PHACTR2: variants seen among roughly 807,000 people sequenced by gnomAD.
The protein encoded by PHACTR2 is chromosome 6 open reading frame 56.
PHACTR2 carries 30 observed loss-of-function variants against 76.0 expected under a neutral mutation model. That is an observed-to-expected ratio of 0.39 (90% CI 0.30 to 0.54). The LOEUF (loss-of-function observed/expected upper bound fraction) is 0.54. Ranked by LOEUF, PHACTR2 falls within the 20% of genes least tolerant of loss-of-function variation. The pLI, the probability that PHACTR2 is intolerant of heterozygous loss-of-function variation, is 0.61. For missense variants in PHACTR2, 696 were observed against 781.1 expected (o/e 0.89, Z 1.30); for synonymous variants, 292 against 292.5 (o/e 1.00, Z 0.02).
At chr6:143,817,817 A>G (rs998126497) in intron 12 of PHACTR2, among the ~76,000 whole-genome samples, 2 of 152,238 alleles carry the variant, frequency 1.3e-5, no homozygotes, top group Non-Finnish European at 2.9e-5. Flanking sequence ...TCATTGAAGT[A>G]GAGAGTAGAC....
chr6:143,640,876 A>G (rs1358954325), intron 1 of PHACTR2, among the ~76,000 whole-genome samples: 1 of 152,208 alleles, frequency 6.6e-6, no homozygotes, highest in Non-Finnish European at 1.5e-5. Flanking sequence ...TGGATGACCC[A>G]GGTGGGCCCT....
At chr6:143,763,065 A>G (rs564749014) in intron 5 of PHACTR2, among the ~76,000 whole-genome samples, 13 of 152,298 alleles carry the variant, frequency 8.5e-5, no homozygotes, top group Admixed American at 8.5e-4. Flanking sequence ...TTAATGATGA[A>G]AGAATTTTAT....
chr6:143,573,556 C>T (rs193258844), intron 1 of PHACTR2, among the ~76,000 whole-genome samples: 1 of 140,624 alleles, frequency 7.1e-6, no homozygotes, highest in South Asian at 2.3e-4. Context: ...TTTTGTGAAC[C>T]CATGAATTTT....
At chr6:143,813,725 T>C (rs1776234055) in intron 12 of PHACTR2, among the ~76,000 whole-genome samples, 1 of 152,150 alleles carries the variant, frequency 6.6e-6, no homozygotes, top group African/African-American at 2.4e-5. Context: ...AGTAATCTTT[T>C]TTTCTTTTAT....
At position 143,627,606 on chromosome 6, in the gene PHACTR2, C is replaced by CTTTTTT. The variant is rs71024861; in HGVS notation, c.13+19292_13+19297dup. Among the ~76,000 whole-genome samples the CTTTTTT allele has an allele frequency of 6.9e-6, 1 of 144,842 alleles. No homozygotes were observed. On this transcript the variant is annotated intron_variant, in intron 1 of 11. Transcript: ENST00000305766. This position sits in a 1 kb window ranked among gnomAD's most constrained non-coding sequence, Gnocchi z 4.3. ...CACAATGTTGTACAACCACCACTTC[C>CTTTTTT]TTTTTTTTTTTTTGAGAAGAAGTCT... is the stretch of plus-strand genomic sequence containing the variant.
intron 1 of PHACTR2, among the ~76,000 whole-genome samples, chr6:143,668,824 C>A (rs1300622691): frequency 1.3e-5 from 2 of 152,190 alleles, no homozygotes; most frequent in East Asian, 1.9e-4. Flanking sequence ...AAAACCAGCT[C>A]CTGGATTCAT....
At chr6:143,573,787 G>A (rs763412207) in intron 1 of PHACTR2, among the ~76,000 whole-genome samples, 18 of 152,088 alleles carry the variant, frequency 1.2e-4, no homozygotes, top group Non-Finnish European at 2.1e-4. Context: ...TCTTATATTT[G>A]TATGGAGCTT....
chr6:143,645,746 A>G (rs1776649192), intron 1 of PHACTR2, among the ~76,000 whole-genome samples: 2 of 152,222 alleles, frequency 1.3e-5, no homozygotes, highest in African/African-American at 4.8e-5. Context: ...TTAGTAAGTC[A>G]TGTTGACATT....
At chr6:143,718,345 AGGAGAC>A (rs1778348711) in intron 2 of PHACTR2, among the ~76,000 whole-genome samples, 1 of 152,240 alleles carries the variant, frequency 6.6e-6, no homozygotes, top group Non-Finnish European at 1.5e-5. Context: ...TCTACTGATG[AGGAGAC>A]TGGGGCTAGA....
rs1776288313 is a variant in PHACTR2 at position 143,816,041 on chromosome 6, A to G, written c.1923-7633A>G. On this transcript the variant is annotated intron_variant, in intron 12 of 12. Coordinates refer to ENST00000440869, the MANE Select transcript of PHACTR2 (RefSeq NM_001100164.2). This position sits in a 1 kb window ranked among gnomAD's most constrained non-coding sequence, Gnocchi z 4.5. ...CCCCCATTCCCTCCCTCTCAACAGTATGAAAATAAGAAAAAATGTATTGCA... is the reference window on the plus strand; with the variant it reads ...CCCCCATTCCCTCCCTCTCAACAGTGTGAAAATAAGAAAAAATGTATTGCA... 1.3e-5 allele frequency among the ~76,000 whole-genome samples: 2 copies of G among 152,298 alleles called. 1 individual carries two copies. The highest frequency in any genetic ancestry group is 4.2e-4 in the South Asian group (2 of 4,814).
chr6:143,594,204 C>T (rs1775723753), intron 1 of PHACTR2, among the ~76,000 whole-genome samples: 1 of 152,186 alleles, frequency 6.6e-6, no homozygotes, highest in South Asian at 2.1e-4. Context: ...GTATATGAAA[C>T]ATAAATGAAT....
At position 143,739,096 on chromosome 6, in the gene PHACTR2, C is replaced by G. The variant is rs771491611; in HGVS notation, c.215-9889C>G. 6.6e-6 allele frequency among the ~76,000 whole-genome samples: 1 copy of G among 152,134 alleles called. No homozygotes were observed. The highest frequency in any genetic ancestry group is 2.4e-5 in the African/African-American group (1 of 41,446). ...TTTATTTATTTTTGAGACGGAGTCT[C>G]TCTCTGTCCCGAGGCTGGAGTGCAG... On this transcript the variant is annotated intron_variant, in intron 2 of 12. Transcript: ENST00000440869. This position sits in a 1 kb window ranked among gnomAD's most constrained non-coding sequence, Gnocchi z 4.3.
Position 143,753,843 on chromosome 6 carries a change from T to C in PHACTR2, c.385T>C (p.Ser129Pro), listed in dbSNP as rs779952067. ...ESTREENVVK[S>P]EEGNGSVSEK... ...TACCCGAGAGGAAAATGTAGTAAAGTCTGAAGAAGGTAATGGCTCTGTATC... is the reference window on the plus strand; with the variant it reads ...TACCCGAGAGGAAAATGTAGTAAAGCCTGAAGAAGGTAATGGCTCTGTATC... Residue 129 changes from serine to proline, a missense_variant, in exon 4 of 13, where the codon TCT becomes CCT. Physicochemically the swap from Ser to Pro is moderately conservative, Grantham distance 74. Around this residue, in one of 2 missense-constraint regions of PHACTR2, gnomAD observed 460 missense variants for 450.9 expected, o/e 1.02. Transcript: ENST00000440869. The surrounding 1 kb of genome is among the most constrained non-coding windows in gnomAD (Gnocchi z 4.6). The C allele has an allele frequency of 2.5e-6, 4 of 1,613,098 alleles. No individual in the cohort carries two copies. The African/African-American group carries it at 5.3e-5, about 22-fold the overall frequency.
chr6:143,736,041 T>G (rs1778811092), intron 2 of PHACTR2, among the ~76,000 whole-genome samples: 1 of 152,212 alleles, frequency 6.6e-6, no homozygotes, highest in African/African-American at 2.4e-5. Context: ...TATTAATAAA[T>G]TTTTATAGAC....
At position 143,783,241 on chromosome 6, in the gene PHACTR2, A is replaced by G. The variant is rs1176704983; in HGVS notation, c.1668A>G (p.Gln556=). 1.2e-6 allele frequency: 2 copies of G among 1,609,190 alleles called. No individual in the cohort carries two copies. Among genetic ancestry groups the G allele is most frequent in the East Asian group, 4.5e-5 (2 of 44,826 alleles). The part of the protein sequence containing the change: ...ILKQKNEEEE[Q]EAKMELKRRL... ...CAGAAAAGAATGAAGAAGAGGAACAAGAAGCAAAAATGGAACTTAAACGCA... is the reference window on the plus strand; with the variant it reads ...CAGAAAAGAATGAAGAAGAGGAACAGGAAGCAAAAATGGAACTTAAACGCA... The change falls in exon 10 of 13, where the codon CAA becomes CAG. Residue 556 remains glutamine, a synonymous_variant. Coordinates refer to ENST00000440869, the MANE Select transcript of PHACTR2 (RefSeq NM_001100164.2). This position sits in a 1 kb window ranked among gnomAD's most constrained non-coding sequence, Gnocchi z 5.2.
intron 1 of PHACTR2, among the ~76,000 whole-genome samples, chr6:143,593,873 T>C (rs1775720666): frequency 6.6e-6 from 1 of 152,212 alleles, no homozygotes; most frequent in Non-Finnish European, 1.5e-5. Flanking sequence ...ATAGCAACCA[T>C]TTCTCCATGC....
At position 143,670,993 on chromosome 6, in the gene PHACTR2, G is replaced by A. The variant is rs532883025; in HGVS notation, c.14-41023G>A. On this transcript the variant is annotated intron_variant, in intron 1 of 11. Transcript: ENST00000305766. ...GGCTGGAGTACAGTGGCACGATCTCGACTCACTGCAACCTCCACCTCCCAG... is the reference window on the plus strand; with the variant it reads ...GGCTGGAGTACAGTGGCACGATCTCAACTCACTGCAACCTCCACCTCCCAG... Among the ~76,000 whole-genome samples the A allele has an allele frequency of 1.1e-4, 16 of 151,280 alleles. No homozygotes were observed. The East Asian group carries it at 1.9e-3, about 18-fold the overall frequency.
intron 1 of PHACTR2, among the ~76,000 whole-genome samples, chr6:143,542,531 G>A (rs1298534092): frequency 6.6e-6 from 1 of 152,126 alleles, no homozygotes; most frequent in East Asian, 1.9e-4. Flanking sequence ...AGGCTGGCAT[G>A]GTTTCAGCAG....
At position 143,803,840 on chromosome 6, in the gene PHACTR2, C is replaced by G. The variant is rs879818955; in HGVS notation, c.1846-3217C>G. On this transcript the variant is annotated intron_variant, in intron 11 of 12. Transcript: ENST00000440869. The surrounding 1 kb of genome is among the most constrained non-coding windows in gnomAD (Gnocchi z 4.7). ...CCAAAGTCGATATACTAGAGCGTTG[C>G]GAAAATAAAAGCAAGATATTTCATG... is the stretch of plus-strand genomic sequence containing the variant. Among the ~76,000 whole-genome samples the G allele has an allele frequency of 8.5e-5, 13 of 152,156 alleles. No homozygotes were observed. The East Asian group carries it at 1.9e-3, about 23-fold the overall frequency.
Sources: allele counts gnomAD v4.1 joint callset (sites outside exome capture counted in the v4.1 genomes callset), GRCh38; gene constraint gnomAD v4.1.1; regional missense constraint gnomAD v4.1.1; non-coding constraint Gnocchi (gnomAD v3.1); transcripts MANE v1.5; gene names NCBI Gene and HGNC (gene_info 2026-07-23, HGNC 2026-07-21).